Variants in FRMPD1 observed in about 807,000 individuals in gnomAD.
FRMPD1 encodes the protein FERM and PDZ domain containing 1, also known as FERM and PDZ domain-containing protein 1.
FRMPD1 carries 76 observed loss-of-function variants against 117.8 expected under a neutral mutation model. The observed-to-expected ratio is 0.65, with a 90% confidence interval of 0.54 to 0.78. The LOEUF is 0.78. Ranked by LOEUF, FRMPD1 falls within the 30% of genes least tolerant of loss-of-function variation. The pLI is 0.00. For synonymous variants in FRMPD1, 783 were observed against 770.4 expected, an observed-to-expected ratio of 1.02 and a Z score of -0.27; for missense variants, 1,786 against 1,964.5, an observed-to-expected ratio of 0.91 and a Z score of 1.72.
At chr9:37,653,430 AC>A in intron 1 of FRMPD1, among the ~76,000 whole-genome samples, 1 of 152,140 alleles carries the variant, frequency 6.6e-6, no homozygotes, top group Non-Finnish European at 1.5e-5. Context: ...AGTTCTTGTG[AC>A]AATGTGATGT....
At chr9:37,733,881 T>C in intron 12 of FRMPD1, 56 bp downstream of exon 12, 1 of 945,118 alleles carries the variant, frequency 1.1e-6, no homozygotes, top group Non-Finnish European at 1.7e-6. Context: ...AGAGATCCTC[T>C]GAAAATCAAT....
intron 12 of FRMPD1, among the ~76,000 whole-genome samples, chr9:37,734,641 A>C (rs996622537): frequency 2.0e-5 from 3 of 152,134 alleles, no homozygotes; most frequent in African/African-American, 7.2e-5. Context: ...TTTGGTATGC[A>C]TCTCAGTCAT....
the FRMPD1 span, among the ~76,000 whole-genome samples, chr9:37,619,802 A>G: frequency 6.6e-6 from 1 of 151,462 alleles, no homozygotes; most frequent in Non-Finnish European, 1.5e-5. Flanking sequence ...GTTTAGTCAC[A>G]TATTATGTGG....
chr9:37,693,968 G>T (rs1588934036), intron 2 of FRMPD1, among the ~76,000 whole-genome samples: 1 of 152,226 alleles, frequency 6.6e-6, no homozygotes, highest in South Asian at 2.1e-4. Flanking sequence ...CACTGGCATT[G>T]TGCTCCCCCT....
chr9:37,728,821 G>T (rs1823727525), intron 7 of FRMPD1, among the ~76,000 whole-genome samples: 1 of 151,948 alleles, frequency 6.6e-6, no homozygotes, highest in Non-Finnish European at 1.5e-5. Flanking sequence ...AAATTAGCTG[G>T]GCGTGGTGGC....
At chr9:37,675,792 G>A (rs531802098) in intron 1 of FRMPD1, among the ~76,000 whole-genome samples, 1 of 152,168 alleles carries the variant, frequency 6.6e-6, no homozygotes, top group East Asian at 1.9e-4. Context: ...GGAAATGGAG[G>A]TATTAGAAGA....
chr9:37,630,153 T>G, the FRMPD1 span, among the ~76,000 whole-genome samples: 1 of 152,164 alleles, frequency 6.6e-6, no homozygotes, highest in East Asian at 1.9e-4. Flanking sequence ...AGTTTAGATT[T>G]CAACATGTGA....
At chr9:37,707,306 G>T in intron 2 of FRMPD1, 110 bp from the exon 3 acceptor site, 1 of 766,232 alleles carries the variant, frequency 1.3e-6, no homozygotes, top group Non-Finnish European at 2.1e-6. Flanking sequence ...GAGGAGAATT[G>T]GTGTCTGCTC....
rs1824361402 is a variant in FRMPD1, at chr9:37,740,705, C to A, written c.2177C>A (p.Thr726Lys). Reference protein sequence around the residue: ...ASYLSDSSESTASRQGGAPPA... With the variant: ...ASYLSDSSESKASRQGGAPPA... ...TACCTGAGTGACAGTTCCGAGAGTA[C>A]AGCTTCCCGGCAAGGGGGAGCCCCG... is the stretch of plus-strand genomic sequence containing the variant. The change falls in exon 15 of 16, where the codon ACA becomes AAA. Residue 726 changes from threonine (T) to lysine (K), a missense_variant. Coordinates refer to ENST00000377765, the MANE Select transcript of FRMPD1 (RefSeq NM_014907.3). The surrounding 1 kb of genome is among the most constrained non-coding windows in gnomAD (Gnocchi z 4.2). 1.2e-6 allele frequency: 2 copies of A among 1,614,000 alleles called. No individual in the cohort carries two copies. Among genetic ancestry groups the A allele is most frequent in the Admixed American group, 3.3e-5 (2 of 60,004 alleles).
In FRMPD1 at chr9:37,745,949, T is replaced by G; in HGVS notation, c.3917T>G (p.Val1306Gly). 1 of 1,614,174 alleles carries G rather than the reference T, an allele frequency of 6.2e-7. No individual in the cohort carries two copies. Among genetic ancestry groups the G allele is most frequent in the African/African-American group, 1.3e-5 (1 of 75,048 alleles). The change falls in exon 16 of 16, where the codon GTC becomes GGC. Residue 1306 changes from valine (V) to glycine (G), a missense_variant. By Grantham distance (109) the Val-to-Gly change is moderately radical. Transcript: ENST00000377765. ...TTTGCCCCAGAAAGCCATCCTGAAG[T>G]CTCTGCCAGTCTCAGGGTGGCCACA... ...LCFAPESHPE[V>G]SASLRVATSL...
At chr9:37,677,662 C>T (rs1167853917) in intron 1 of FRMPD1, among the ~76,000 whole-genome samples, 2 of 152,104 alleles carry the variant, frequency 1.3e-5, no homozygotes, top group African/African-American at 4.8e-5. Flanking sequence ...GTGCTGTTGA[C>T]ATGAAAGGTC....
chr9:37,689,348 C>G (rs889419179), intron 1 of FRMPD1, among the ~76,000 whole-genome samples: 4 of 151,978 alleles, frequency 2.6e-5, no homozygotes, highest in African/African-American at 9.7e-5. Flanking sequence ...TCTTATACAA[C>G]TTTTTATTTT....
chr9:37,669,395 G>A (rs1364752828), intron 1 of FRMPD1, among the ~76,000 whole-genome samples: 1 of 152,074 alleles, frequency 6.6e-6, no homozygotes, highest in Non-Finnish European at 1.5e-5. Flanking sequence ...CCAGACCTAG[G>A]GAAACTCTGC....
At chr9:37,616,015 C>T in the FRMPD1 span, among the ~76,000 whole-genome samples, 1 of 151,900 alleles carries the variant, frequency 6.6e-6, no homozygotes. Context: ...CGGGGTTTCA[C>T]CATGTTGGTC....
the FRMPD1 span, among the ~76,000 whole-genome samples, chr9:37,635,225 A>G: frequency 1.3e-5 from 2 of 152,248 alleles, no homozygotes; most frequent in Non-Finnish European, 2.9e-5. Flanking sequence ...CCTTGCACCA[A>G]CCTTGAAGAA....
chr9:37,658,671 C>T lies in FRMPD1; in HGVS notation c.-5+7577C>T, dbSNP rs147520913. Among the ~76,000 whole-genome samples, 559 of 152,260 alleles carry T rather than the reference C, an allele frequency of 3.7e-3. 2 individuals carry two copies. Among genetic ancestry groups the T allele is most frequent in the African/African-American group, 0.013 (521 of 41,530 alleles). On this transcript the variant is annotated intron_variant, in intron 1 of 15. Transcript: ENST00000377765. ...ACTCCAGTCTCTGCCTCCCTGGTCA[C>T]GTTGCCTCCTCCTGTCTGTTTCAAA...
chr9:37,717,267 C>CT (rs1823158739), intron 5 of FRMPD1, among the ~76,000 whole-genome samples: 1 of 148,408 alleles, frequency 6.7e-6, no homozygotes, highest in African/African-American at 2.5e-5. Context: ...AGCTCTCTGA[C>CT]TATCTCTTAT....
chr9:37,644,423 A>C, the FRMPD1 span, among the ~76,000 whole-genome samples: 10 of 152,142 alleles, frequency 6.6e-5, no homozygotes, highest in Admixed American at 6.5e-4. Flanking sequence ...CCAATCCTGC[A>C]CTGCGATTGT....
the FRMPD1 span, among the ~76,000 whole-genome samples, chr9:37,626,753 C>T: frequency 2.6e-5 from 4 of 151,536 alleles, no homozygotes; most frequent in African/African-American, 9.7e-5. Context: ...CGGGCCACTG[C>T]ATTCCAGTCT....
Sources: gnomAD v4.1 joint callset for allele counts (sites outside exome capture counted in the v4.1 genomes callset) on GRCh38, gnomAD v4.1.1 for gene constraint, Gnocchi (gnomAD v3.1) non-coding constraint, MANE v1.5 for transcripts, NCBI Gene and HGNC (gene_info 2026-07-23, HGNC 2026-07-21) for gene names.